Variants in CEP350 observed in about 807,000 individuals in gnomAD.
CEP350 encodes the protein centrosomal protein 350.
A neutral mutation model predicts 331.8 loss-of-function variants in CEP350; 126 were observed. That is an observed-to-expected ratio of 0.38 (90% confidence interval 0.33 to 0.44). CEP350 has a LOEUF of 0.44. CEP350 is among the 20% of genes least tolerant of loss of function. The pLI, the probability that CEP350 is intolerant of heterozygous loss-of-function variation, is 1.00. For missense variants in CEP350, 3,406 were observed against 3,634.6 expected (o/e 0.94, Z 1.62); for synonymous variants, 1,200 against 1,259.5 (o/e 0.95, Z 1.00).
intron 14 of CEP350, among the ~76,000 whole-genome samples, chr1:180,026,219 C>T (rs943485980): frequency 7.3e-5 from 11 of 150,960 alleles, no homozygotes; most frequent in East Asian, 3.9e-4. Flanking sequence ...TGCAGTGAGC[C>T]GAGACTGCGC....
intron 1 of CEP350, among the ~76,000 whole-genome samples, chr1:179,980,573 A>C (rs1171444665): frequency 1.3e-5 from 2 of 152,058 alleles, no homozygotes; most frequent in Non-Finnish European, 2.9e-5. Flanking sequence ...GGTTTCCAGA[A>C]CTATGTTGAA....
At chr1:180,043,973 A>G (rs1656946190) in intron 20 of CEP350, 78 bp from the exon 21 acceptor site, 3 of 1,202,742 alleles carry the variant, frequency 2.5e-6, no homozygotes, top group Non-Finnish European at 3.3e-6. Flanking sequence ...TTTATCTCAT[A>G]TTACTATTAA....
intron 27 of CEP350, among the ~76,000 whole-genome samples, chr1:180,074,630 G>A (rs1257080359): frequency 1.3e-5 from 2 of 152,024 alleles, no homozygotes; most frequent in South Asian, 2.1e-4. Flanking sequence ...TTGTTGTTTC[G>A]GGTTTTGTGT....
intron 26 of CEP350, 149 bp downstream of exon 26, chr1:180,062,515 C>T: frequency 8.8e-7 from 1 of 1,130,148 alleles, no homozygotes; most frequent in Non-Finnish European, 1.2e-6. Flanking sequence ...AGTCTTAGTC[C>T]ATTTTCTGTT....
chr1:179,966,359 C>T lies in CEP350; in HGVS notation c.-14+11217C>T, dbSNP rs188195650. 5.3e-5 allele frequency among the ~76,000 whole-genome samples: 8 copies of T among 152,108 alleles called. No homozygotes were observed. The East Asian group carries it at 9.6e-4, about 18-fold the overall frequency. On this transcript the variant is annotated intron_variant, in intron 1 of 37. Coordinates refer to ENST00000367607, the MANE Select transcript of CEP350 (RefSeq NM_014810.5). ...AGTGCAGTGTTCATTTGGAATGTAC[C>T]GTTGTGATTTTAAATTACCTTTAGT...
At chr1:180,109,945 G>A (rs191148611) in intron 37 of CEP350, among the ~76,000 whole-genome samples, 8 of 152,248 alleles carry the variant, frequency 5.3e-5, no homozygotes, top group Admixed American at 1.3e-4. Flanking sequence ...AATCTAATGC[G>A]TTTCTTTTAG....
intron 1 of CEP350, among the ~76,000 whole-genome samples, chr1:179,976,757 C>T (rs1487620841): frequency 1.3e-5 from 2 of 151,774 alleles, no homozygotes; most frequent in Non-Finnish European, 2.9e-5. Context: ...TCTCTAAGTA[C>T]ATGATTTAGA....
At position 180,096,118 on chromosome 1, in the gene CEP350, G is replaced by A. The variant is rs867759149; in HGVS notation, c.9000G>A (p.Lys3000=). ...DPNLNQPVWM[K]PCRINSSYFR... Reference sequence around the variant, plus strand: ...ACTTAAATCAACCTGTCTGGATGAAGCCATGTAGAATCAACTCTAGTTATT... The same window carrying A: ...ACTTAAATCAACCTGTCTGGATGAAACCATGTAGAATCAACTCTAGTTATT... Residue 3000 remains lysine (K), a synonymous_variant, in exon 36 of 38, where the codon AAG becomes AAA. Coordinates refer to ENST00000367607, the MANE Select transcript of CEP350 (RefSeq NM_014810.5). The A allele has an allele frequency of 1.9e-6, 3 of 1,564,542 alleles. No individual in the cohort carries two copies. Among genetic ancestry groups the A allele is most frequent in the African/African-American group, 2.7e-5 (2 of 73,940 alleles).
intron 1 of CEP350, among the ~76,000 whole-genome samples, chr1:179,967,078 G>T (rs966573603): frequency 1.3e-5 from 2 of 152,160 alleles, no homozygotes; most frequent in Admixed American, 6.5e-5. Context: ...TAGGTTCAGA[G>T]AGGCTTCTTA....
intron 30 of CEP350, among the ~76,000 whole-genome samples, chr1:180,081,871 A>T (rs1404793791): frequency 1.3e-5 from 2 of 152,222 alleles, no homozygotes; most frequent in Non-Finnish European, 2.9e-5. Flanking sequence ...TGTGGAATAG[A>T]TTCTTAGGAA....
rs761816495 is a variant in CEP350, at chr1:180,092,589, TGTG to T, written c.6509-21_6509-19del. On this transcript the variant is annotated intron_variant, in intron 33 of 37. Transcript: ENST00000367607. The stretch of plus-strand genomic sequence containing the variant: ...AAAGATAGTGATTAAATAATTTTGA[TGTG>T]GTGATTTGTTTTTTCTTTAAGATGC... 2.9e-5 allele frequency: 42 copies of T among 1,442,870 alleles called. No individual in the cohort carries two copies. In the South Asian group the frequency reaches 5.2e-4, roughly 18 times the overall value. 89.4% of individuals were successfully genotyped at this position (1,442,870 alleles called of 1,614,324 possible). A position where few individuals can be genotyped will look rare whatever the true frequency, so the allele number is the denominator to read the frequency against.
intron 28 of CEP350, among the ~76,000 whole-genome samples, chr1:180,078,105 C>A (rs1224550336): frequency 6.6e-6 from 1 of 151,886 alleles, no homozygotes; most frequent in Non-Finnish European, 1.5e-5. Flanking sequence ...TGCACCCCAC[C>A]CTGGGCAACA....
Position 180,014,460 on chromosome 1 carries a change from C to A in CEP350, c.2007C>A (p.Thr669=). 6.2e-7 allele frequency: 1 copy of A among 1,609,918 alleles called. No individual in the cohort carries two copies. Among genetic ancestry groups the A allele is most frequent in the Middle Eastern group, 1.7e-4 (1 of 6,058 alleles). ...ACTCCAAATTGCTACTAGAAAAGACCTTGCTTGAAGAGCCATCTCATCAAC... is the reference window on the plus strand; with the variant it reads ...ACTCCAAATTGCTACTAGAAAAGACATTGCTTGAAGAGCCATCTCATCAAC... The part of the protein sequence containing the change: ...ETYSKLLLEK[T]LLEEPSHQHV... Residue 669 remains threonine (T), a synonymous_variant, in exon 10 of 38, where the codon ACC becomes ACA. Coordinates refer to ENST00000367607, the MANE Select transcript of CEP350 (RefSeq NM_014810.5).
chr1:180,040,644 A>AT (rs1198181744), intron 17 of CEP350, among the ~76,000 whole-genome samples: 11 of 149,376 alleles, frequency 7.4e-5, no homozygotes, highest in South Asian at 4.2e-4. Context: ...AGATGAAAAA[A>AT]AAAATATATA....
intron 31 of CEP350, among the ~76,000 whole-genome samples, chr1:180,086,232 T>G (rs1044858662): frequency 6.6e-6 from 1 of 152,138 alleles, no homozygotes; most frequent in Admixed American, 6.5e-5. Flanking sequence ...GAGTTCATGC[T>G]GGAAAGAAGT....
In CEP350 at chr1:180,087,808, G is replaced by C. The variant is rs962729729; in HGVS notation, c.6425+91G>C. The C allele has an allele frequency of 9.2e-6, 11 of 1,198,496 alleles. No individual in the cohort carries two copies. In the African/African-American group the frequency reaches 1.4e-4, roughly 16 times the overall value. 74.2% of individuals were successfully genotyped at this position (1,198,496 alleles called of 1,614,324 possible). ...AGTAGAAGTTACCCTTTAAGTAACT[G>C]AAATTACAGAAGTAAAAATATTATT... On this transcript the variant is annotated intron_variant, in intron 32 of 37. Coordinates refer to ENST00000367607, the MANE Select transcript of CEP350 (RefSeq NM_014810.5).
At chr1:180,006,926 A>G (rs1302609800) in intron 8 of CEP350, among the ~76,000 whole-genome samples, 3 of 152,186 alleles carry the variant, frequency 2.0e-5, no homozygotes, top group Non-Finnish European at 2.9e-5. Flanking sequence ...ATTTCCCTGC[A>G]AAGGACATGA....
chr1:180,044,196 G>T, intron 21 of CEP350, 23 bp downstream of exon 21: 1 of 1,543,466 alleles, frequency 6.5e-7, no homozygotes, highest in Non-Finnish European at 8.7e-7. Context: ...TGATTTCTTT[G>T]TCAGTACAGT....
intron 8 of CEP350, 137 bp downstream of exon 8, chr1:180,006,704 AC>A (rs1654281152): frequency 1.7e-6 from 1 of 588,606 alleles, no homozygotes; most frequent in African/African-American, 1.9e-5. Context: ...GGTTTGCTGT[AC>A]CCATTAACCC....
Sources: gnomAD v4.1 joint callset for allele counts (sites outside exome capture counted in the v4.1 genomes callset) on GRCh38, gnomAD v4.1.1 for gene constraint, MANE v1.5 for transcripts, NCBI Gene and HGNC (gene_info 2026-07-23, HGNC 2026-07-21) for gene names.